The following LRRC51 variants were observed in gnomAD, a reference collection of about 807,000 sequenced individuals.
LRRC51 encodes leucine-rich repeat-containing protein 51.
A neutral mutation model predicts 17.8 loss-of-function variants in LRRC51; 8 were observed. The observed-to-expected ratio is 0.45, with a 90% CI of 0.26 to 0.81. LRRC51 has a LOEUF of 0.81. Among genes scored for constraint, LRRC51 ranks in the 30% least tolerant of loss-of-function variants. LRRC51 has a pLI of 0.17. For missense variants in LRRC51, 233 were observed against 239.3 expected, an observed-to-expected ratio of 0.97 and a Z score of 0.17; for synonymous variants, 92 against 96.0, an observed-to-expected ratio of 0.96 and a Z score of 0.24.
intron 4 of LRRC51, chr11:72,094,492 C>A: frequency 3.5e-6 from 2 of 578,272 alleles, no homozygotes; most frequent in East Asian, 2.9e-5. Context: ...TTTTCTAGTC[C>A]AAGATCCCTA....
In LRRC51 at chr11:72,095,370, TC is replaced by T; in HGVS notation, c.438-5del. The T allele has an allele frequency of 1.2e-6, 2 of 1,613,766 alleles. No homozygotes were observed. The highest frequency in any genetic ancestry group is 2.7e-5 in the African/African-American group (2 of 74,968). On this transcript the variant is annotated splice_polypyrimidine_tract_variant and splice_region_variant and intron_variant, in intron 5 of 5. Coordinates refer to ENST00000289488, the MANE Select transcript of LRRC51 (RefSeq NM_145309.6). Reference sequence around the variant, plus strand: ...GGGTGCTGGCCCCCAGCCTAAGTCTTCCCCACAGGCAATATGTGCTGTGCAC... The same window carrying T: ...GGGTGCTGGCCCCCAGCCTAAGTCTTCCCACAGGCAATATGTGCTGTGCAC...
chr11:72,096,521 G>A lies in LRRC51; in HGVS notation c.*1001G>A. ...CCAAAGTGCTAGGATTACAGGATAAGCCACTGCACCTGGCCAGCTCTAGTC... is the reference window on the plus strand; with the variant it reads ...CCAAAGTGCTAGGATTACAGGATAAACCACTGCACCTGGCCAGCTCTAGTC... On this transcript the variant is annotated 3_prime_UTR_variant, in exon 6 of 6. Coordinates refer to ENST00000289488, the MANE Select transcript of LRRC51 (RefSeq NM_145309.6). 2 of 1,287,934 alleles carry A rather than the reference G, an allele frequency of 1.6e-6. No homozygotes were observed. The highest frequency in any genetic ancestry group is 2.2e-5 in the South Asian group (1 of 46,362). The allele number at this position is 1,287,934 out of a possible 1,614,324, so 79.8% of individuals were successfully genotyped here.
At chr11:72,082,166 C>G (rs686340) in intron 1 of LRRC51, among the ~76,000 whole-genome samples, 142,880 of 152,294 alleles carry the variant, frequency 0.94, 67,210 homozygotes, top group Non-Finnish European at 0.98. Context: ...TCCCCTGAAA[C>G]TTTTAATGGG....
intron 1 of LRRC51, among the ~76,000 whole-genome samples, chr11:72,084,295 T>C (rs1422340774): frequency 6.6e-6 from 1 of 152,228 alleles, no homozygotes; most frequent in East Asian, 1.9e-4. Flanking sequence ...TCCTGTGTTA[T>C]CATGTTGCAA....
intron 3 of LRRC51, among the ~76,000 whole-genome samples, chr11:72,091,760 T>A (rs959981968): frequency 3.3e-5 from 5 of 152,188 alleles, no homozygotes; most frequent in African/African-American, 1.2e-4. Context: ...CATTCACTCT[T>A]TTTTTGGTAG....
rs748351084 is a variant in LRRC51 at position 72,095,490 on chromosome 11, G to A, written c.549G>A (p.Lys183=). 6 of 1,614,046 alleles carry A rather than the reference G, an allele frequency of 3.7e-6. No individual in the cohort carries two copies. The Admixed American group carries it at 8.3e-5, about 22-fold the overall frequency. The stretch of plus-strand genomic sequence containing the variant: ...GGAAACGCATGAACATCAAGCCCAA[G>A]AAGGCCTGGACCAAGCAGAATACAC... ...EVWKRMNIKP[K]KAWTKQNTL Residue 183 remains lysine (K), a synonymous_variant, in exon 6 of 6, where the codon AAG becomes AAA. Coordinates refer to ENST00000289488, the MANE Select transcript of LRRC51 (RefSeq NM_145309.6).
At chr11:72,095,308 A>G in intron 5 of LRRC51, 71 bp from the exon 6 acceptor site, 3 of 1,612,278 alleles carry the variant, frequency 1.9e-6, no homozygotes, top group Non-Finnish European at 2.5e-6. Context: ...CAGGGAAGAC[A>G]ACAGCAACTA....
chr11:72,087,332 C>T (rs1434225301), intron 1 of LRRC51, among the ~76,000 whole-genome samples: 2 of 128,034 alleles, frequency 1.6e-5, no homozygotes, highest in Admixed American at 1.9e-4. Context: ...ACAGGGTCTA[C>T]AGGGTCTTGC....
intron 1 of LRRC51, chr11:72,086,246 C>A (rs1944525627): frequency 1.7e-6 from 1 of 590,642 alleles, no homozygotes. Context: ...GCAGCTGTTA[C>A]TTGGAACTGG....
intron 2 of LRRC51, 39 bp from the exon 3 acceptor site, chr11:72,088,988 GCC>G: frequency 6.2e-7 from 1 of 1,606,156 alleles, no homozygotes; most frequent in Non-Finnish European, 8.5e-7. Flanking sequence ...AAACCTGAAA[GCC>G]GGTGTACTTG....
intron 1 of LRRC51, among the ~76,000 whole-genome samples, chr11:72,081,251 C>G (rs1208848788): frequency 2.0e-5 from 3 of 152,096 alleles, no homozygotes; most frequent in Non-Finnish European, 4.4e-5. Context: ...CGAACCCTGT[C>G]TCTACCAAAA....
chr11:72,082,814 G>A (rs1944319378), intron 1 of LRRC51, among the ~76,000 whole-genome samples: 2 of 151,896 alleles, frequency 1.3e-5, no homozygotes, highest in Non-Finnish European at 2.9e-5. Context: ...CAACCAGAGT[G>A]ATCCTTCAAA....
In LRRC51 at chr11:72,089,028, G is replaced by C. The variant is rs530685229; in HGVS notation, c.-55-1G>C. The stretch of plus-strand genomic sequence containing the variant: ...ACACTGGTCTTTCTCTGTCCTCCCA[G>C]GCTGAACCCAGACTCCCAGGGCACC... On this transcript the variant is annotated splice_acceptor_variant, in intron 2 of 5. Transcript: ENST00000289488. LOFTEE classifies it low-confidence loss of function (5UTR_SPLICE). 7 of 1,611,778 alleles carry C rather than the reference G, an allele frequency of 4.3e-6. No homozygotes were observed. The African/African-American group carries it at 8.0e-5, about 18-fold the overall frequency.
At chr11:72,085,232 G>GAGTA (rs761883372) in intron 1 of LRRC51, among the ~76,000 whole-genome samples, 5 of 152,292 alleles carry the variant, frequency 3.3e-5, no homozygotes, top group African/African-American at 4.8e-5. Context: ...ACAGCCACAG[G>GAGTA]AGTAAGCATG....
chr11:72,093,719 G>A lies in LRRC51; in HGVS notation c.288+18G>A. On this transcript the variant is annotated intron_variant, in intron 4 of 5. Coordinates refer to ENST00000289488, the MANE Select transcript of LRRC51 (RefSeq NM_145309.6). ...TTGACCCTGTGAGTTCCTAACAGTA[G>A]GAATCCAGTCAGGGGAGCCTGAAGC... is the stretch of plus-strand genomic sequence containing the variant. 1.9e-6 allele frequency: 3 copies of A among 1,613,398 alleles called. No homozygotes were observed. The highest frequency in any genetic ancestry group is 2.5e-6 in the Non-Finnish European group (3 of 1,179,326).
At chr11:72,094,883 A>C in intron 4 of LRRC51, 65 bp from the exon 5 acceptor site, 1 of 1,614,186 alleles carries the variant, frequency 6.2e-7, no homozygotes, top group South Asian at 1.1e-5. Flanking sequence ...CCCACGAGTC[A>C]GCCCTGAGCA....
chr11:72,086,986 A>G (rs1209029382), intron 1 of LRRC51, among the ~76,000 whole-genome samples: 1 of 152,172 alleles, frequency 6.6e-6, no homozygotes, highest in Non-Finnish European at 1.5e-5. Flanking sequence ...ACAAAAGAAT[A>G]ATGTGTTCTT....
intron 3 of LRRC51, among the ~76,000 whole-genome samples, chr11:72,091,458 T>G (rs775402193): frequency 1.3e-5 from 2 of 152,002 alleles, no homozygotes; most frequent in Non-Finnish European, 2.9e-5. Flanking sequence ...GACCTGCATC[T>G]GAGGAGGAGG....
intron 3 of LRRC51, among the ~76,000 whole-genome samples, chr11:72,091,812 C>T (rs1392769430): frequency 6.6e-6 from 1 of 152,158 alleles, no homozygotes; most frequent in Non-Finnish European, 1.5e-5. Context: ...TCTCAAACGC[C>T]TAGGCTCAAG....
Sources: gnomAD v4.1 joint callset for allele counts (sites outside exome capture counted in the v4.1 genomes callset) on GRCh38, gnomAD v4.1.1 for gene constraint, MANE v1.5 for transcripts, NCBI Gene and HGNC (gene_info 2026-07-23, HGNC 2026-07-21) for gene names.